Variants in SLC29A3 observed in about 807,000 individuals in gnomAD.
SLC29A3 encodes the protein equilibrative nucleoside transporter 3.
A neutral mutation model predicts 25.4 loss-of-function variants in SLC29A3; 18 were observed. The observed-to-expected ratio is 0.71, with a 90% CI of 0.49 to 1.05. The LOEUF (loss-of-function observed/expected upper bound fraction) is 1.05, where lower values mean the gene tolerates loss of function less well. Among genes scored for constraint, SLC29A3 ranks in the 50% least tolerant of loss-of-function variants. The pLI, the probability that SLC29A3 is intolerant of heterozygous loss-of-function variation, is 0.00. For synonymous variants in SLC29A3, 258 were observed against 267.1 expected (o/e 0.97, Z 0.33); for missense variants, 586 against 609.0 (o/e 0.96, Z 0.40).
intron 4 of SLC29A3, 76 bp downstream of exon 4, chr10:71,351,864 T>G: frequency 1.5e-6 from 2 of 1,334,082 alleles, no homozygotes; most frequent in South Asian, 1.2e-5. Flanking sequence ...GATGAGCATG[T>G]GGTGGCCTTT....
At chr10:71,356,270 C>T (rs935768417) in intron 5 of SLC29A3, 27 bp downstream of exon 5, 2 of 1,610,364 alleles carry the variant, frequency 1.2e-6, no homozygotes, top group Non-Finnish European at 1.7e-6. Context: ...CTGTCCATGC[C>T]TCCTTCCTGT....
At chr10:71,319,415 AG>A in intron 1 of SLC29A3, 105 bp downstream of exon 1, 1 of 528,680 alleles carries the variant, frequency 1.9e-6, no homozygotes, top group Non-Finnish European at 3.3e-6. Context: ...GCGGGCTGCC[AG>A]GGGAGCCGCA....
intron 4 of SLC29A3, among the ~76,000 whole-genome samples, chr10:71,376,966 A>C (rs1847256984): frequency 6.6e-6 from 1 of 151,794 alleles, no homozygotes; most frequent in Non-Finnish European, 1.5e-5. Context: ...AGTAGAGGCG[A>C]GGTTTCACCA....
chr10:71,337,344 A>G (rs1197582684), intron 2 of SLC29A3, among the ~76,000 whole-genome samples: 1 of 152,234 alleles, frequency 6.6e-6, no homozygotes, highest in Non-Finnish European at 1.5e-5. Flanking sequence ...GCCCAGGGCA[A>G]GGGCACCTCC....
rs201610819 is a variant in SLC29A3, at chr10:71,322,900, G to C, written c.146G>C (p.Arg49Pro). 71 of 1,614,242 alleles carry C rather than the reference G, an allele frequency of 4.4e-5. No individual in the cohort carries two copies. The Admixed American group carries it at 1.1e-3, about 26-fold the overall frequency. Residue 49 changes from arginine to proline, a missense_variant, in exon 2 of 6, where the codon CGC (arginine) becomes CCC (proline). Arg to Pro is a moderately radical substitution (Grantham distance 103). Coordinates refer to ENST00000373189, the MANE Select transcript of SLC29A3 (RefSeq NM_018344.6). ...PPPGLQRPEDRFCGTYIIFFS... is the reference protein window; with the variant it reads ...PPPGLQRPEDPFCGTYIIFFS... Reference sequence around the variant, plus strand: ...CCTGGCCTGCAGAGGCCCGAGGACCGCTTCTGTGGCACATACATCATCTTC... The same window carrying C: ...CCTGGCCTGCAGAGGCCCGAGGACCCCTTCTGTGGCACATACATCATCTTC...
chr10:71,330,318 G>A (rs1249573058), intron 2 of SLC29A3, among the ~76,000 whole-genome samples: 2 of 152,270 alleles, frequency 1.3e-5, no homozygotes, highest in Non-Finnish European at 1.5e-5. Flanking sequence ...GCAAGAGCAA[G>A]TGAAACTGGG....
At chr10:71,354,645 C>G (rs780677) in intron 4 of SLC29A3, among the ~76,000 whole-genome samples, 97,453 of 152,026 alleles carry the variant, frequency 0.64, 32,890 homozygotes, top group Non-Finnish European at 0.76. Flanking sequence ...GGAGACAGAG[C>G]AGGCCATGCC....
At chr10:71,337,762 T>C (rs955673476) in intron 2 of SLC29A3, among the ~76,000 whole-genome samples, 2 of 152,226 alleles carry the variant, frequency 1.3e-5, no homozygotes, top group African/African-American at 4.8e-5. Flanking sequence ...GAAACCTCTT[T>C]ACCTGGACTC....
At chr10:71,363,583 C>T (rs990394722), downstream of SLC29A3, among the ~76,000 whole-genome samples, 3 of 149,754 alleles carry the variant, frequency 2.0e-5, no homozygotes, top group Non-Finnish European at 4.4e-5. Flanking sequence ...CCAGCCTCAG[C>T]CTCCTGAGTA....
At chr10:71,332,895 C>T (rs970210555) in intron 2 of SLC29A3, among the ~76,000 whole-genome samples, 1 of 152,242 alleles carries the variant, frequency 6.6e-6, no homozygotes, top group Admixed American at 6.5e-5. Context: ...CTCAGCTTCT[C>T]TAGTTCTCTT....
At chr10:71,350,789 T>G (rs1846735397) in intron 3 of SLC29A3, among the ~76,000 whole-genome samples, 1 of 152,190 alleles carries the variant, frequency 6.6e-6, no homozygotes, top group Non-Finnish European at 1.5e-5. Context: ...TAGAGCATCA[T>G]TCTGAGAACT....
intron 2 of SLC29A3, among the ~76,000 whole-genome samples, chr10:71,334,305 G>T (rs1481579011): frequency 2.0e-5 from 3 of 152,206 alleles, no homozygotes; most frequent in Non-Finnish European, 1.5e-5. Flanking sequence ...AAACAAATGG[G>T]CTGACCGAAG....
Position 71,362,429 on chromosome 10 carries a change from C to T in SLC29A3, c.1249C>T (p.Leu417Phe), listed in dbSNP as rs759664134. 1.5e-5 allele frequency: 24 copies of T among 1,614,100 alleles called. No individual in the cohort carries two copies. Among genetic ancestry groups the T allele is most frequent in the Non-Finnish European group, 2.0e-5 (24 of 1,180,058 alleles). Residue 417 changes from leucine to phenylalanine, a missense_variant, in exon 6 of 6, where the codon CTC (leucine) becomes TTC (phenylalanine). Leu to Phe is a conservative substitution (Grantham distance 22). Transcript: ENST00000373189. ...VVFQSDVYPALLSSLLGLSNG... is the reference protein window; with the variant it reads ...VVFQSDVYPAFLSSLLGLSNG... ...CTTCCAGTCCGATGTGTACCCCGCA[C>T]TCCTCAGCTCCCTGCTGGGGCTCAG...
intron 2 of SLC29A3, among the ~76,000 whole-genome samples, chr10:71,323,321 T>TA (rs988217699): frequency 6.6e-6 from 1 of 152,262 alleles, no homozygotes; most frequent in African/African-American, 2.4e-5. Context: ...GACTAGTAAC[T>TA]AAAATGAGAT....
At chr10:71,380,488 A>T (rs1026736740) in exon 5 of SLC29A3, 1 of 152,178 alleles carries the variant, frequency 6.6e-6, no homozygotes, top group African/African-American at 2.4e-5. Flanking sequence ...TAAATAATGT[A>T]CACACACAAC....
intron 4 of SLC29A3, among the ~76,000 whole-genome samples, chr10:71,375,980 C>T (rs1405880255): frequency 1.3e-5 from 2 of 152,116 alleles, no homozygotes; most frequent in African/African-American, 2.4e-5. Context: ...AAGCGAAGAG[C>T]GTCAGCAGTG....
At chr10:71,371,941 G>C (rs1034449541) in intron 3 of SLC29A3, among the ~76,000 whole-genome samples, 1 of 152,230 alleles carries the variant, frequency 6.6e-6, no homozygotes, top group Non-Finnish European at 1.5e-5. Flanking sequence ...AAGTGCAGCA[G>C]GTCCTGCTGT....
At chr10:71,366,951 G>T (rs959831736), downstream of SLC29A3, among the ~76,000 whole-genome samples, 1 of 152,148 alleles carries the variant, frequency 6.6e-6, no homozygotes, top group South Asian at 2.1e-4. Flanking sequence ...TCACCCACTC[G>T]CTGAGGCTGC....
chr10:71,334,726 C>T (rs1271223322), intron 2 of SLC29A3, among the ~76,000 whole-genome samples: 3 of 152,170 alleles, frequency 2.0e-5, no homozygotes, highest in African/African-American at 7.2e-5. Flanking sequence ...CCACCACAGC[C>T]TGCACACCCG....
Sources: allele counts gnomAD v4.1 joint callset (sites outside exome capture counted in the v4.1 genomes callset), GRCh38; gene constraint gnomAD v4.1.1; transcripts MANE v1.5; gene names NCBI Gene and HGNC (gene_info 2026-07-23, HGNC 2026-07-21).